Variants in DNAH8 observed in about 807,000 individuals in gnomAD.
DNAH8 encodes axonemal beta dynein heavy chain 8.
In DNAH8, 382 loss-of-function variants were observed where a neutral mutation model predicts 562.1. The ratio of observed to expected loss-of-function variants is 0.68; its 90% CI spans 0.63 to 0.74. The LOEUF is 0.74. DNAH8 is among the 30% of genes least tolerant of loss of function. The pLI is 0.00. For synonymous variants in DNAH8, 1,881 were observed against 1,919.4 expected, an observed-to-expected ratio of 0.98 and a Z score of 0.52; for missense variants, 5,203 against 5,620.4, an observed-to-expected ratio of 0.93 and a Z score of 2.37.
Position 38,722,897 on chromosome 6 carries a change from G to C in DNAH8, c.88G>C (p.Glu30Gln). 1 of 1,612,174 alleles carries C rather than the reference G, an allele frequency of 6.2e-7. No homozygotes were observed. Residue 30 changes from glutamate to glutamine, a missense_variant, in exon 2 of 93, where the codon GAG becomes CAG. By Grantham distance (29) the Glu-to-Gln change is conservative. Around this residue, in one of 6 missense-constraint regions of DNAH8, gnomAD observed 556 missense variants for 496.9 expected, o/e 1.12. Coordinates refer to ENST00000327475, the MANE Select transcript of DNAH8 (RefSeq NM_001206927.2). ...TEEAAPPRSE[E>Q]EEAPRPPTVE... Reference sequence around the variant, plus strand: ...AGAGGCTGCCCCTCCCCGTTCAGAAGAGGAAGAGGCCCCGCGCCCTCCGAC... The same window carrying C: ...AGAGGCTGCCCCTCCCCGTTCAGAACAGGAAGAGGCCCCGCGCCCTCCGAC...
At chr6:38,971,282 C>A (rs761706707) in intron 82 of DNAH8, among the ~76,000 whole-genome samples, 1 of 152,188 alleles carries the variant, frequency 6.6e-6, no homozygotes. Context: ...GTAGTTGCCT[C>A]TCCCACCATT....
intron 11 of DNAH8, chr6:38,763,376 A>G (rs1041771416): frequency 9.9e-6 from 2 of 202,446 alleles, no homozygotes; most frequent in Non-Finnish European, 2.0e-5. Context: ...AATACAGAAG[A>G]AAAAAAAGCA....
chr6:38,748,300 G>T (rs1765127560), intron 8 of DNAH8, among the ~76,000 whole-genome samples: 1 of 152,142 alleles, frequency 6.6e-6, no homozygotes, highest in African/African-American at 2.4e-5. Flanking sequence ...CAAAGCAAAT[G>T]TGGTAGCAAA....
At chr6:38,994,500 A>AAT in intron 88 of DNAH8, among the ~76,000 whole-genome samples, 1 of 145,380 alleles carries the variant, frequency 6.9e-6, no homozygotes, top group Admixed American at 6.8e-5. Flanking sequence ...AATCATCTAC[A>AAT]TTTTTTTTTT....
intron 76 of DNAH8, 148 bp downstream of exon 76, chr6:38,932,141 C>T (rs1782593429): frequency 4.4e-6 from 2 of 459,760 alleles, no homozygotes; most frequent in East Asian, 9.2e-5. Flanking sequence ...AGCCTTAATT[C>T]CTGTCAAGAA....
chr6:38,998,660 G>T (rs1415548185), intron 88 of DNAH8, among the ~76,000 whole-genome samples: 1 of 152,132 alleles, frequency 6.6e-6, no homozygotes, highest in Admixed American at 6.5e-5. Context: ...ATCTCATTAG[G>T]TAGTTGTTTA....
In DNAH8 at chr6:38,875,728, G is replaced by A; in HGVS notation, c.7758G>A (p.Lys2586=). ...GALLELESRE[K]LEAFLRQHES... Reference sequence around the variant, plus strand: ...TTCTGGAATTAGAAAGCAGAGAAAAGCTTGAAGCCTTCTTACGGCAGCATG... The same window carrying A: ...TTCTGGAATTAGAAAGCAGAGAAAAACTTGAAGCCTTCTTACGGCAGCATG... Residue 2586 remains lysine, a synonymous_variant, in exon 53 of 93, where the codon AAG becomes AAA. Coordinates refer to ENST00000327475, the MANE Select transcript of DNAH8 (RefSeq NM_001206927.2). The A allele has an allele frequency of 6.2e-7, 1 of 1,613,982 alleles. No individual in the cohort carries two copies. The highest frequency in any genetic ancestry group is 1.7e-4 in the Middle Eastern group (1 of 6,060).
At chr6:38,829,519 A>G (rs1406149249) in intron 30 of DNAH8, among the ~76,000 whole-genome samples, 1 of 152,202 alleles carries the variant, frequency 6.6e-6, no homozygotes, top group Admixed American at 6.5e-5. Context: ...CATATGGTAT[A>G]AGTTAGGGAT....
intron 21 of DNAH8, among the ~76,000 whole-genome samples, chr6:38,793,149 A>G (rs1010158634): frequency 1.3e-5 from 2 of 152,010 alleles, no homozygotes; most frequent in African/African-American, 2.4e-5. Flanking sequence ...AACCCATTAC[A>G]TTAAATTAGT....
intron 70 of DNAH8, among the ~76,000 whole-genome samples, chr6:38,920,613 G>A (rs1781628343): frequency 6.6e-6 from 1 of 152,050 alleles, no homozygotes; most frequent in Admixed American, 6.5e-5. Context: ...AACATTATTT[G>A]TAATAACTAA....
rs938811322 is a variant in DNAH8 at position 38,883,377 on chromosome 6, A to G, written c.8057A>G (p.Tyr2686Cys). Residue 2686 changes from tyrosine (Y) to cysteine (C), a missense_variant, in exon 55 of 93, where the codon TAT becomes TGT. Around this residue, in one of 6 missense-constraint regions of DNAH8, gnomAD observed 977 missense variants for 1,061.8 expected, o/e 0.92. Transcript: ENST00000327475. Reference protein sequence around the residue: ...GTAKTVMVKAYLKKYDPEVQL... With the variant: ...GTAKTVMVKACLKKYDPEVQL... The stretch of plus-strand genomic sequence containing the variant: ...GCAAAAACTGTCATGGTTAAGGCCT[A>G]TTTGAAAAAATATGATCCTGAAGTA... 2 of 1,613,318 alleles carry G rather than the reference A, an allele frequency of 1.2e-6. No individual in the cohort carries two copies. The highest frequency in any genetic ancestry group is 1.3e-5 in the African/African-American group (1 of 74,926).
chr6:38,823,578 A>ACCC lies in DNAH8; in HGVS notation c.3739_3741dup (p.Pro1247dup). ...TTACCACAGGAATTTTTGGCTAACA[A>ACCC]CCCCTCTCTGACTGAAATCAGATCA... is the stretch of plus-strand genomic sequence containing the variant. On this transcript the variant is annotated inframe_insertion, in exon 28 of 93. Coordinates refer to ENST00000327475, the MANE Select transcript of DNAH8 (RefSeq NM_001206927.2). 1 of 1,609,234 alleles carries ACCC rather than the reference A, an allele frequency of 6.2e-7. No homozygotes were observed. Among genetic ancestry groups the ACCC allele is most frequent in the Non-Finnish European group, 8.5e-7 (1 of 1,176,278 alleles).
At chr6:39,011,671 CA>C (rs1243716268) in intron 89 of DNAH8, among the ~76,000 whole-genome samples, 1 of 152,210 alleles carries the variant, frequency 6.6e-6, no homozygotes, top group African/African-American at 2.4e-5. Context: ...GGCTGTCCCA[CA>C]AAATCAAATA....
Position 38,848,773 on chromosome 6 carries a change from G to GTAT in DNAH8, c.5172_5173insATT (p.Gly1724_Gly1725insIle). The GTAT allele has an allele frequency of 6.2e-7, 1 of 1,613,440 alleles. No individual in the cohort carries two copies. The highest frequency in any genetic ancestry group is 8.5e-7 in the Non-Finnish European group (1 of 1,179,552). On this transcript the variant is annotated inframe_insertion, in exon 37 of 93. Coordinates refer to ENST00000327475, the MANE Select transcript of DNAH8 (RefSeq NM_001206927.2). ...GTTTATCTTGAAGCCGTCTTTGTAG[G>GTAT]TGGAGATATTGCCAAACAGCTGCCT... is the stretch of plus-strand genomic sequence containing the variant.
At chr6:38,916,486 G>A (rs185462101) in intron 68 of DNAH8, among the ~76,000 whole-genome samples, 3 of 152,242 alleles carry the variant, frequency 2.0e-5, no homozygotes, top group East Asian at 1.9e-4. Context: ...GAGGTTATGA[G>A]GACAAGACTA....
chr6:38,892,138 C>G (rs894619989), intron 58 of DNAH8, among the ~76,000 whole-genome samples: 2 of 152,088 alleles, frequency 1.3e-5, no homozygotes, highest in African/African-American at 4.8e-5. Context: ...TCTTCTTTCC[C>G]TCCTCTAAAC....
At chr6:38,721,408 G>A (rs1762740483) in intron 1 of DNAH8, among the ~76,000 whole-genome samples, 1 of 152,176 alleles carries the variant, frequency 6.6e-6, no homozygotes, top group African/African-American at 2.4e-5. Context: ...TTGGGAGGCT[G>A]AGGTGGGAGG....
At chr6:38,906,874 CTG>C (rs1780521322) in intron 63 of DNAH8, among the ~76,000 whole-genome samples, 1 of 152,116 alleles carries the variant, frequency 6.6e-6, no homozygotes, top group Non-Finnish European at 1.5e-5. Flanking sequence ...ATCCAAAACT[CTG>C]GAATCCAAAA....
intron 87 of DNAH8, 181 bp downstream of exon 87, chr6:38,984,488 A>G (rs1440867388): frequency 7.1e-6 from 4 of 564,216 alleles, no homozygotes; most frequent in Admixed American, 3.0e-5. Flanking sequence ...ACACACACAC[A>G]CACACACAAC....
Sources: allele counts gnomAD v4.1 joint callset (sites outside exome capture counted in the v4.1 genomes callset), GRCh38; gene constraint gnomAD v4.1.1; regional missense constraint gnomAD v4.1.1; transcripts MANE v1.5; gene names NCBI Gene and HGNC (gene_info 2026-07-23, HGNC 2026-07-21).